The following POLR3E variants were observed in gnomAD, a reference collection of about 807,000 sequenced individuals.
POLR3E encodes the protein RNA polymerase III subunit E, also known as DNA-directed RNA polymerase III subunit RPC5.
Under a neutral mutation model 96.6 loss-of-function variants are expected in POLR3E, and 41 were observed. That is an observed-to-expected ratio of 0.42 (90% CI 0.33 to 0.55). The LOEUF (loss-of-function observed/expected upper bound fraction) is 0.55, where lower values mean the gene tolerates loss of function less well. POLR3E is among the 20% of genes least tolerant of loss of function. The pLI, the probability that POLR3E is intolerant of heterozygous loss-of-function variation, is 0.06. For synonymous variants in POLR3E, 396 were observed against 383.6 expected, an observed-to-expected ratio of 1.03 and a Z score of -0.38; for missense variants, 849 against 952.1, an observed-to-expected ratio of 0.89 and a Z score of 1.43.
rs2048408085 is a variant in POLR3E, at chr16:22,318,658, T to C, written c.866-168T>C. ...CATGAGGTGCCCAGTGCCTGGCATG[T>C]AGTGAGCAGCCTGAGAGTGTCAGCT... On this transcript the variant is annotated intron_variant, in intron 12 of 20. Transcript: ENST00000299853. The surrounding 1 kb of genome is among the most constrained non-coding windows in gnomAD (Gnocchi z 5.0). Among the ~76,000 whole-genome samples, 1 of 152,156 alleles carries C rather than the reference T, an allele frequency of 6.6e-6. No individual in the cohort carries two copies. The highest frequency in any genetic ancestry group is 2.4e-5 in the African/African-American group (1 of 41,444).
intron 2 of POLR3E, among the ~76,000 whole-genome samples, chr16:22,304,036 C>T (rs1468543885): frequency 6.6e-6 from 1 of 152,064 alleles, no homozygotes; most frequent in East Asian, 1.9e-4. Context: ...GTCTCGATCT[C>T]CTGACCTCAA....
chr16:22,321,338 C>A (rs780043366), intron 13 of POLR3E, among the ~76,000 whole-genome samples: 2 of 152,224 alleles, frequency 1.3e-5, no homozygotes, highest in Non-Finnish European at 2.9e-5. Flanking sequence ...AAATGTTGAA[C>A]ATTTTAAGAA....
chr16:22,301,189 T>G, intron 1 of POLR3E, among the ~76,000 whole-genome samples: 1 of 151,182 alleles, frequency 6.6e-6, no homozygotes, highest in Admixed American at 6.6e-5. Context: ...GCCCCAGAAG[T>G]GGGTTTGGAG....
At position 22,303,017 on chromosome 16, in the gene POLR3E, C is replaced by T. The variant is rs1170274886; in HGVS notation, c.36+13C>T. On this transcript the variant is annotated intron_variant, in intron 2 of 20. Transcript: ENST00000299853. ...AGTTGTACAGGAGGTAACTGCTGCT[C>T]TCTGTCCCCTGCCGCCGGGGCTACA... 6.2e-7 allele frequency: 1 copy of T among 1,612,984 alleles called. No homozygotes were observed. The highest frequency in any genetic ancestry group is 1.1e-5 in the South Asian group (1 of 91,032).
chr16:22,325,666 G>C, intron 17 of POLR3E, 95 bp from the exon 18 acceptor site: 4 of 1,395,384 alleles, frequency 2.9e-6, no homozygotes, highest in Non-Finnish European at 2.8e-6. Flanking sequence ...ATGAGACCAG[G>C]ACGGGACCAC....
At chr16:22,309,860 A>G (rs1217350294) in intron 6 of POLR3E, 1 of 280,560 alleles carries the variant, frequency 3.6e-6, no homozygotes, top group Non-Finnish European at 6.9e-6. Flanking sequence ...GGCAGCATCT[A>G]TCCAAAAGAA....
At chr16:22,308,483 G>C (rs956350737) in intron 4 of POLR3E, 4 of 524,176 alleles carry the variant, frequency 7.6e-6, no homozygotes, top group Non-Finnish European at 1.4e-5. Flanking sequence ...AGACGAGGGC[G>C]GGCGGGTGAA....
rs753792184 is a variant in POLR3E, at chr16:22,302,942, G to A, written c.-27G>A. The A allele has an allele frequency of 3.7e-6, 6 of 1,611,862 alleles. No homozygotes were observed. The African/African-American group carries it at 4.0e-5, about 11-fold the overall frequency. The stretch of plus-strand genomic sequence containing the variant: ...GCCCTCCTTTGCAGATCGAGCTGAA[G>A]GACTGCGCGGCTGGCTCTCCTCTAG... On this transcript the variant is annotated 5_prime_UTR_variant, in exon 2 of 21. Transcript: ENST00000299853.
chr16:22,299,897 G>C (rs919826921), intron 1 of POLR3E, among the ~76,000 whole-genome samples: 1 of 151,838 alleles, frequency 6.6e-6, no homozygotes, highest in African/African-American at 2.4e-5. Flanking sequence ...GAGACCGGGG[G>C]GCGGGGGGCG....
chr16:22,329,474 G>A (rs890939251), intron 19 of POLR3E, among the ~76,000 whole-genome samples: 2 of 152,056 alleles, frequency 1.3e-5, no homozygotes, highest in South Asian at 2.1e-4. Flanking sequence ...AACGCCAGTC[G>A]GTCTGACCGT....
Position 22,316,807 on chromosome 16 carries a change from C to T in POLR3E, c.728+121C>T, listed in dbSNP as rs566047311. On this transcript the variant is annotated intron_variant, in intron 10 of 20. Coordinates refer to ENST00000299853, the MANE Select transcript of POLR3E (RefSeq NM_018119.4). ...GTAGCATGAGGGTGGAGCCCATTGT[C>T]CCCTGGAGAAGGCCAGGAGGGTGGG... 2.4e-5 allele frequency: 24 copies of T among 1,004,202 alleles called. 1 individual carries two copies. In the South Asian group the frequency reaches 2.7e-4, roughly 11 times the overall value. The allele number at this position is 1,004,202 out of a possible 1,614,324, so 62.2% of individuals were successfully genotyped here.
chr16:22,301,753 C>T (rs1253484219), intron 1 of POLR3E, among the ~76,000 whole-genome samples: 1 of 151,864 alleles, frequency 6.6e-6, no homozygotes, highest in East Asian at 1.9e-4. Context: ...TGGCAAGTCC[C>T]TGTCTCTACT....
intron 18 of POLR3E, chr16:22,327,688 G>T (rs2048632001): frequency 6.6e-6 from 1 of 152,282 alleles, no homozygotes; most frequent in Non-Finnish European, 1.5e-5. Flanking sequence ...GGGAGCTGAG[G>T]TCCAGGGCAA....
At position 22,313,594 on chromosome 16, in the gene POLR3E, A is replaced by C. The variant is rs759278434; in HGVS notation, c.365-26A>C. 6.5e-7 allele frequency: 1 copy of C among 1,531,758 alleles called. No individual in the cohort carries two copies. The highest frequency in any genetic ancestry group is 1.1e-5 in the South Asian group (1 of 89,336). 94.9% of individuals were successfully genotyped at this position (1,531,758 alleles called of 1,614,324 possible). A position where few individuals can be genotyped will look rare whatever the true frequency, so the allele number is the denominator to read the frequency against. ...CAAACTGGGTGGGTTTCTAGAGTTGAGTCCAAGCCCTTCTTCCTCCGCCAG... is the reference window on the plus strand; with the variant it reads ...CAAACTGGGTGGGTTTCTAGAGTTGCGTCCAAGCCCTTCTTCCTCCGCCAG... On this transcript the variant is annotated intron_variant, in intron 6 of 20. Transcript: ENST00000299853. This position sits in a 1 kb window ranked among gnomAD's most constrained non-coding sequence, Gnocchi z 4.1.
rs747366710 is a variant in POLR3E at position 22,317,052 on chromosome 16, G to A, written c.773+13G>A. On this transcript the variant is annotated intron_variant, in intron 11 of 20. Coordinates refer to ENST00000299853, the MANE Select transcript of POLR3E (RefSeq NM_018119.4). ...AGGAGGAGGAGAAGTGAGTAGAGGC[G>A]GCAGGACACCCTCTCCCTTTCCGGG... 1.1e-5 allele frequency: 18 copies of A among 1,613,806 alleles called. No homozygotes were observed. The highest frequency in any genetic ancestry group is 3.3e-5 in the South Asian group (3 of 91,086).
intron 5 of POLR3E, 162 bp from the exon 6 acceptor site, chr16:22,309,266 T>C (rs2048195048): frequency 2.8e-6 from 2 of 716,986 alleles, no homozygotes; most frequent in Admixed American, 4.0e-5. Context: ...ATGGGTTTTC[T>C]CATCCCCAGG....
Position 22,324,514 on chromosome 16 carries a change from G to A in POLR3E, c.1140G>A (p.Glu380=), listed in dbSNP as rs1347110316. ...CCCCTCCCCTCCAGCTCTGCGCCGA[G>A]GATGTGAAGGACTTCCTGGAGCACA... ...EVATVTKLCA[E]DVKDFLEHMA... Residue 380 remains glutamate (E), a synonymous_variant, in exon 16 of 21, where the codon GAG becomes GAA. Coordinates refer to ENST00000299853, the MANE Select transcript of POLR3E (RefSeq NM_018119.4). The A allele has an allele frequency of 5.6e-6, 9 of 1,612,212 alleles. No homozygotes were observed. The highest frequency in any genetic ancestry group is 5.9e-6 in the Non-Finnish European group (7 of 1,179,174).
rs765088323 is a variant in POLR3E, at chr16:22,326,203, A to G, written c.1791A>G (p.Thr597=). 32 of 1,611,514 alleles carry G rather than the reference A, an allele frequency of 2.0e-5. No individual in the cohort carries two copies. The highest frequency in any genetic ancestry group is 2.2e-5 in the East Asian group (1 of 44,734). Residue 597 remains threonine (T), a synonymous_variant, in exon 18 of 21, where the codon ACA becomes ACG. Coordinates refer to ENST00000299853, the MANE Select transcript of POLR3E (RefSeq NM_018119.4). ...LHLASLPPGH[T]LFSGISDRML... ...TGGCCAGCCTGCCCCCCGGCCACAC[A>G]CTCTTCAGCGGCATCTCGGACCGCA...
intron 13 of POLR3E, among the ~76,000 whole-genome samples, chr16:22,320,408 C>T (rs1360364155): frequency 1.3e-5 from 2 of 152,164 alleles, no homozygotes; most frequent in East Asian, 3.9e-4. Context: ...ATTATAGGCG[C>T]TTGCCACCAC....
Sources: allele counts gnomAD v4.1 joint callset (sites outside exome capture counted in the v4.1 genomes callset), GRCh38; gene constraint gnomAD v4.1.1; non-coding constraint Gnocchi (gnomAD v3.1); transcripts MANE v1.5; gene names NCBI Gene and HGNC (gene_info 2026-07-23, HGNC 2026-07-21).